The following PXDNL variants were observed in gnomAD, a reference collection of about 807,000 sequenced individuals.
The protein encoded by PXDNL is peroxidasin like.
Under a neutral mutation model 150.8 loss-of-function variants are expected in PXDNL, and 145 were observed. The ratio of observed to expected loss-of-function variants is 0.96; its 90% confidence interval spans 0.84 to 1.10. PXDNL has a LOEUF of 1.10. PXDNL is among the 50% of genes least tolerant of loss of function. PXDNL has a pLI of 0.00. For synonymous variants in PXDNL, 757 were observed against 725.7 expected (o/e 1.04, Z -0.69); for missense variants, 2,087 against 1,873.9 (o/e 1.11, Z -2.10).
intron 4 of PXDNL, among the ~76,000 whole-genome samples, chr8:51,550,278 T>C (rs1246806307): frequency 3.3e-5 from 5 of 152,220 alleles, no homozygotes; most frequent in Middle Eastern, 3.4e-3. Flanking sequence ...TTGGTTCCAA[T>C]CCTACTGAAA....
chr8:51,453,546 G>GAAA lies in PXDNL; in HGVS notation c.1221_1222insTTT (p.Val407_Gln408insPhe). On this transcript the variant is annotated inframe_insertion, in exon 10 of 23. Transcript: ENST00000356297. ...TGTACAATTATGTTTGCTGCAGCTTGAACAGTGCCGTGGCTATTGTTGGCA... is the reference window on the plus strand; with the variant it reads ...TGTACAATTATGTTTGCTGCAGCTTGAAAAACAGTGCCGTGGCTATTGTTGGCA... 2 of 1,614,026 alleles carry GAAA rather than the reference G, an allele frequency of 1.2e-6. No homozygotes were observed. Among genetic ancestry groups the GAAA allele is most frequent in the Non-Finnish European group, 1.7e-6 (2 of 1,179,896 alleles).
intron 1 of PXDNL, among the ~76,000 whole-genome samples, chr8:51,707,020 T>C (rs1368395371): frequency 6.6e-6 from 1 of 152,156 alleles, no homozygotes; most frequent in Non-Finnish European, 1.5e-5. Flanking sequence ...CATTACTGAA[T>C]CTACATAGAC....
In PXDNL at chr8:51,345,860, T is replaced by C; in HGVS notation, c.3989A>G (p.Asp1330Gly). The C allele has an allele frequency of 6.2e-7, 1 of 1,612,520 alleles. No homozygotes were observed. Among genetic ancestry groups the C allele is most frequent in the Non-Finnish European group, 8.5e-7 (1 of 1,178,514 alleles). Residue 1330 changes from aspartate to glycine, a missense_variant, in exon 20 of 23, where the codon GAT (aspartate) becomes GGT (glycine). Transcript: ENST00000356297. Reference sequence around the variant, plus strand: ...ACTTCTTAGATGACTTAACTCCATATCCTTATCAACAGGATAGCTGTATTG... The same window carrying C: ...ACTTCTTAGATGACTTAACTCCATACCCTTATCAACAGGATAGCTGTATTG... Reference protein sequence around the residue: ...SAQYSYPVDKDMELSHLRSRQ... With the variant: ...SAQYSYPVDKGMELSHLRSRQ...
At chr8:51,448,565 C>T (rs1809732805) in intron 11 of PXDNL, among the ~76,000 whole-genome samples, 1 of 151,940 alleles carries the variant, frequency 6.6e-6, no homozygotes, top group Non-Finnish European at 1.5e-5. Context: ...AGTAGCCGGG[C>T]GTGGTGGCGG....
At chr8:51,768,584 T>G (rs1028933106) in intron 1 of PXDNL, among the ~76,000 whole-genome samples, 1 of 152,158 alleles carries the variant, frequency 6.6e-6, no homozygotes, top group Non-Finnish European at 1.5e-5. Context: ...ATAATTATAT[T>G]AATACAGGGC....
At chr8:51,414,813 A>G (rs1205040370) in intron 14 of PXDNL, among the ~76,000 whole-genome samples, 1 of 152,238 alleles carries the variant, frequency 6.6e-6, no homozygotes, top group African/African-American at 2.4e-5. Context: ...AAACAAATAT[A>G]TAGGCAAGTT....
chr8:51,691,654 A>C (rs1292587654), intron 1 of PXDNL, among the ~76,000 whole-genome samples: 1 of 152,222 alleles, frequency 6.6e-6, no homozygotes, highest in Admixed American at 6.5e-5. Flanking sequence ...AAAAGTCATT[A>C]AGACAAAGGC....
chr8:51,423,124 AC>A (rs1809000485), intron 14 of PXDNL, among the ~76,000 whole-genome samples: 1 of 152,222 alleles, frequency 6.6e-6, no homozygotes, highest in African/African-American at 2.4e-5. Flanking sequence ...GCCTGGAAAC[AC>A]TGAGATATTT....
rs139269638 is a variant in PXDNL, at chr8:51,363,664, C to T, written c.3901+8209G>A. 2.7e-3 allele frequency among the ~76,000 whole-genome samples: 415 copies of T among 152,246 alleles called. 1 individual carries two copies. Among genetic ancestry groups the T allele is most frequent in the African/African-American group, 9.7e-3 (404 of 41,556 alleles). ...CTACCAGGCCCAGGGCGTGGTGCTG[C>T]GCTGTATGTCTGTGGATTTCATTTC... On this transcript the variant is annotated intron_variant, in intron 19 of 22. Transcript: ENST00000356297.
chr8:51,660,832 T>G (rs1360880190), intron 1 of PXDNL, among the ~76,000 whole-genome samples: 1 of 152,148 alleles, frequency 6.6e-6, no homozygotes, highest in East Asian at 1.9e-4. Context: ...CTGCAGCCCA[T>G]TTTTGGCATC....
intron 8 of PXDNL, among the ~76,000 whole-genome samples, chr8:51,460,476 G>A (rs973189680): frequency 1.4e-5 from 2 of 141,280 alleles, no homozygotes; most frequent in African/African-American, 5.3e-5. Context: ...CTCCCACCAA[G>A]AGAAGCCAAA....
intron 18 of PXDNL, among the ~76,000 whole-genome samples, chr8:51,372,499 C>T (rs539099690): frequency 6.6e-6 from 1 of 152,348 alleles, no homozygotes; most frequent in East Asian, 1.9e-4. Context: ...ACTCTCCTGC[C>T]TCAGCCTCCC....
chr8:51,500,452 C>G (rs898826352), intron 4 of PXDNL, among the ~76,000 whole-genome samples: 1 of 152,180 alleles, frequency 6.6e-6, no homozygotes, highest in African/African-American at 2.4e-5. Context: ...TTCAGAAATC[C>G]TGTGATGAAA....
At chr8:51,368,107 G>C (rs779825097) in intron 19 of PXDNL, among the ~76,000 whole-genome samples, 4 of 152,080 alleles carry the variant, frequency 2.6e-5, no homozygotes, top group Non-Finnish European at 4.4e-5. Context: ...TGCACTCCAG[G>C]CTGGGTAACG....
At chr8:51,637,182 C>T (rs1345734344) in intron 2 of PXDNL, among the ~76,000 whole-genome samples, 1 of 152,126 alleles carries the variant, frequency 6.6e-6, no homozygotes, top group African/African-American at 2.4e-5. Context: ...CACACCAAAA[C>T]CCCATCTGTA....
intron 4 of PXDNL, among the ~76,000 whole-genome samples, chr8:51,533,301 C>G (rs571580013): frequency 2.0e-5 from 3 of 152,186 alleles, no homozygotes; most frequent in Admixed American, 6.5e-5. Flanking sequence ...CAGGCATGCA[C>G]CACCACGCCT....
At chr8:51,557,934 C>T (rs910670918) in intron 3 of PXDNL, among the ~76,000 whole-genome samples, 2 of 152,100 alleles carry the variant, frequency 1.3e-5, no homozygotes, top group African/African-American at 4.8e-5. Context: ...GTAGCAGTGA[C>T]CAGTGTGGAT....
At chr8:51,468,968 A>G (rs1810263273) in intron 8 of PXDNL, among the ~76,000 whole-genome samples, 4 of 151,984 alleles carry the variant, frequency 2.6e-5, no homozygotes, top group Non-Finnish European at 5.9e-5. Flanking sequence ...TCTTTGTTCA[A>G]CTTTGCTTTT....
chr8:51,555,147 T>C lies in PXDNL; in HGVS notation c.380+1693A>G, dbSNP rs112566296. 6.2e-3 allele frequency among the ~76,000 whole-genome samples: 946 copies of C among 152,238 alleles called. 3 individuals are homozygous for C. Among genetic ancestry groups the C allele is most frequent in the African/African-American group, 0.022 (896 of 41,538 alleles). ...ATTCTAGAGGATGGGAATTCCAAGA[T>C]TGAAGGGCCGGCATCCTTTAAGGGC... On this transcript the variant is annotated intron_variant, in intron 4 of 22. Transcript: ENST00000356297.
Sources: gnomAD v4.1 joint callset for allele counts (sites outside exome capture counted in the v4.1 genomes callset) on GRCh38, gnomAD v4.1.1 for gene constraint, MANE v1.5 for transcripts, NCBI Gene and HGNC (gene_info 2026-07-23, HGNC 2026-07-21) for gene names.